The following TRO variants were observed in gnomAD, a reference collection of about 807,000 sequenced individuals.
TRO encodes the protein MAGE superfamily protein.
In TRO, 29 loss-of-function variants were observed where a neutral mutation model predicts 42.3. The observed-to-expected ratio is 0.68, with a 90% confidence interval of 0.51 to 0.93. The LOEUF is 0.93. TRO is among the 40% of genes least tolerant of loss of function. The pLI, the probability that TRO is intolerant of heterozygous loss-of-function variation, is 0.00. For missense variants in TRO, 963 were observed against 1,127.7 expected, an observed-to-expected ratio of 0.85 and a Z score of 2.09; for synonymous variants, 384 against 425.2, an observed-to-expected ratio of 0.90 and a Z score of 1.19.
chrX:54,929,482 G>A lies in TRO; in HGVS notation c.2758G>A (p.Gly920Ser), dbSNP rs773122347. The A allele has an allele frequency of 6.6e-6, 8 of 1,209,332 alleles. No homozygotes were observed. The highest frequency in any genetic ancestry group is 2.3e-4 in the Middle Eastern group (1 of 4,340). ...GGTLSTSICF[G>S]GSPCTSTGFG... is the part of the protein sequence containing the mutation. ...TACACTCAGTACCAGTATCTGCTTC[G>A]GTGGCTCTCCCTGCACCAGCACTGG... The change falls in exon 12 of 13, where the codon GGT becomes AGT. Residue 920 changes from glycine (G) to serine (S), a missense_variant. Gly to Ser is a moderately conservative substitution (Grantham distance 56, BLOSUM62 0). This residue lies in a region of TRO where 641 missense variants were observed against 811.3 expected (regional missense o/e 0.79). Coordinates refer to ENST00000173898, the MANE Select transcript of TRO (RefSeq NM_001039705.3).
chrX:54,922,415 C>A, intron 2 of TRO, 124 bp downstream of exon 2: 1 of 957,940 alleles, frequency 1.0e-6, no homozygotes, highest in Non-Finnish European at 1.4e-6. Context: ...TCCTCCCTTA[C>A]ATGGTGAAGG....
At position 54,929,961 on chromosome X, in the gene TRO, C is replaced by T; in HGVS notation, c.3237C>T (p.Phe1079=). 1 of 1,209,382 alleles carries T rather than the reference C, an allele frequency of 8.3e-7. No individual in the cohort carries two copies. The highest frequency in any genetic ancestry group is 1.1e-6 in the Non-Finnish European group (1 of 894,402). The change falls in exon 12 of 13, where the codon TTC becomes TTT. Residue 1079 remains phenylalanine (F), a synonymous_variant. Coordinates refer to ENST00000173898, the MANE Select transcript of TRO (RefSeq NM_001039705.3). ...GTGCCGTCAGCACCAGTGCCAGCTT[C>T]AGTGGTGCTGTCAGCACCAGTGCTT... ...FGCAVSTSAS[F]SGAVSTSACF...
intron 1 of TRO, chrX:54,921,364 G>A (rs995874694): frequency 1.3e-4 from 14 of 111,347 alleles, no homozygotes; most frequent in African/African-American, 3.6e-4. Flanking sequence ...ACAGGAGAAA[G>A]GAGGGGATAT....
intron 2 of TRO, 37 bp downstream of exon 2, chrX:54,922,328 C>T (rs2146535368): frequency 8.4e-7 from 1 of 1,189,225 alleles, no homozygotes; most frequent in Non-Finnish European, 1.1e-6. Context: ...GCCATCTGCC[C>T]CATCCTGAGT....
chrX:54,920,930 G>A (rs984974233), intron 1 of TRO, 52 bp downstream of exon 1: 3 of 111,164 alleles, frequency 2.7e-5, no homozygotes, highest in Admixed American at 1.9e-4. Flanking sequence ...CTTCCTGGCT[G>A]CGGCTTCGAC....
intron 1 of TRO, chrX:54,921,340 A>G (rs1022993864): frequency 1.8e-5 from 2 of 111,287 alleles, no homozygotes; most frequent in African/African-American, 6.5e-5. Flanking sequence ...AGCAACGGAA[A>G]GGACCAGACT....
chrX:54,923,378 C>T lies in TRO; in HGVS notation c.846C>T (p.Asp282=), dbSNP rs763078461. The T allele has an allele frequency of 3.6e-5, 43 of 1,203,952 alleles. No homozygotes were observed. The highest frequency in any genetic ancestry group is 1.2e-4 in the African/African-American group (7 of 57,146). ...ATATAGAGGCTCTAAATGTCACTGA[C>T]GCAGCTACCAGGCAGATTGAGGCCT... ...TEHIEALNVT[D]AATRQIEASV... The change falls in exon 3 of 13, where the codon GAC becomes GAT. Residue 282 remains aspartate, a synonymous_variant. Coordinates refer to ENST00000173898, the MANE Select transcript of TRO (RefSeq NM_001039705.3).
chrX:54,927,501 G>A, intron 10 of TRO, 166 bp from the exon 11 acceptor site: 1 of 453,964 alleles, frequency 2.2e-6, no homozygotes, highest in South Asian at 3.3e-5. Flanking sequence ...AGTATTGGAG[G>A]CCAAGACCAT....
At chrX:54,926,382 CCTT>C (rs1569546270) in intron 7 of TRO, 25 bp from the exon 8 acceptor site, 1 of 1,190,899 alleles carries the variant, frequency 8.4e-7, no homozygotes. Flanking sequence ...GAAACATAAA[CCTT>C]CTTTCTGTCC....
chrX:54,927,144 T>A (rs899437467), intron 10 of TRO, 39 bp downstream of exon 10: 2 of 1,194,392 alleles, frequency 1.7e-6, no homozygotes, highest in Non-Finnish European at 1.1e-6. Flanking sequence ...CCTGAAGTGT[T>A]CTGGGTATAC....
In TRO at chrX:54,922,625, T is replaced by C; in HGVS notation, c.93T>C (p.Asp31=). 8.3e-7 allele frequency: 1 copy of C among 1,211,385 alleles called. No individual in the cohort carries two copies. The highest frequency in any genetic ancestry group is 3.0e-5 in the East Asian group (1 of 33,808). The change falls in exon 3 of 13, where the codon GAT becomes GAC. Residue 31 remains aspartate (D), a synonymous_variant. Transcript: ENST00000173898. The stretch of plus-strand genomic sequence containing the variant: ...GCCTGGGGCTTCCCTTCCCTCCAGA[T>C]ATACAGACTGAGACCACAGAAGAGG... The part of the protein sequence containing the change: ...PGSLGLPFPP[D]IQTETTEEDS...
rs764095896 is a variant in TRO, at chrX:54,929,902, G to T, written c.3178G>T (p.Gly1060Cys). Residue 1060 changes from glycine (G) to cysteine (C), a missense_variant, in exon 12 of 13, where the codon GGT (glycine) becomes TGT (cysteine). This residue lies in a region of TRO where 641 missense variants were observed against 811.3 expected (regional missense o/e 0.79). Coordinates refer to ENST00000173898, the MANE Select transcript of TRO (RefSeq NM_001039705.3). The stretch of plus-strand genomic sequence containing the variant: ...CTCTCCCAGCACCAGTGCTGGCTTT[G>T]GTGGTGCACTCAACACCAATGCCAG... Reference protein sequence around the residue: ...GGSPSTSAGFGGALNTNASFG... With the variant: ...GGSPSTSAGFCGALNTNASFG... 2 of 1,211,045 alleles carry T rather than the reference G, an allele frequency of 1.7e-6. No homozygotes were observed. Among genetic ancestry groups the T allele is most frequent in the Admixed American group, 2.2e-5 (1 of 46,087 alleles).
chrX:54,927,895 CAT>C (rs1602146980), intron 11 of TRO, 114 bp downstream of exon 11: 1 of 502,548 alleles, frequency 2.0e-6, no homozygotes, highest in African/African-American at 2.4e-5. Flanking sequence ...CATATATAAA[CAT>C]GTGGAGCCTC....
In TRO at chrX:54,926,603, C is replaced by T. The variant is rs768861041; in HGVS notation, c.1678C>T (p.Arg560Cys). Reference sequence around the variant, plus strand: ...CACAGCTGTCATCTGGGAGGTGCTGCGCAAGTTGGGGCTGCGCCCTGGGTA... The same window carrying T: ...CACAGCTGTCATCTGGGAGGTGCTGTGCAAGTTGGGGCTGCGCCCTGGGTA... ...ASEAVIWEVL[R>C]KLGLRPGVRH... The change falls in exon 9 of 13, where the codon CGC (arginine) becomes TGC (cysteine). Residue 560 changes from arginine (R) to cysteine (C), a missense_variant. Physicochemically the swap from Arg to Cys is radical, Grantham distance 180. Around this residue, in one of 2 missense-constraint regions of TRO, gnomAD observed 641 missense variants for 811.3 expected, o/e 0.79. Transcript: ENST00000173898. 35 of 1,210,201 alleles carry T rather than the reference C, an allele frequency of 2.9e-5. No individual in the cohort carries two copies. In the South Asian group the frequency reaches 3.5e-4, roughly 12 times the overall value.
At chrX:54,922,161 A>G in intron 1 of TRO, 42 bp from the exon 2 acceptor site, 1 of 1,030,615 alleles carries the variant, frequency 9.7e-7, no homozygotes, top group South Asian at 2.2e-5. Context: ...GATAGGTGAG[A>G]TGTCTGATGA....
At chrX:54,924,841 C>T in intron 5 of TRO, 108 bp downstream of exon 5, 1 of 976,645 alleles carries the variant, frequency 1.0e-6, no homozygotes, top group Non-Finnish European at 1.4e-6. Flanking sequence ...TATCTCCACA[C>T]CTGCCCTCCT....
chrX:54,930,591 TG>T lies in TRO; in HGVS notation c.3869del (p.Gly1290ValfsTer42). 1 of 1,211,381 alleles carries T rather than the reference TG, an allele frequency of 8.3e-7. No homozygotes were observed. Among genetic ancestry groups the T allele is most frequent in the Admixed American group, 2.2e-5 (1 of 46,057 alleles). On this transcript the variant is annotated frameshift_variant, in exon 12 of 13. Transcript: ENST00000173898. LOFTEE classifies it low-confidence loss of function (END_TRUNC). Reference protein sequence around the residue: ...GGGLVTSDGFGGGLGTNASFG... With the variant: ...GGGLVTSDGFXGGLGTNASFG... ...GTGGACTGGTCACTAGTGATGGCTTTGGTGGTGGACTGGGCACCAATGCTAG... is the reference window on the plus strand; with the variant it reads ...GTGGACTGGTCACTAGTGATGGCTTTGTGGTGGACTGGGCACCAATGCTAG...
chrX:54,924,553 A>G lies in TRO; in HGVS notation c.1339A>G (p.Arg447Gly). The G allele has an allele frequency of 8.3e-7, 1 of 1,207,312 alleles. No individual in the cohort carries two copies. The highest frequency in any genetic ancestry group is 1.1e-6 in the Non-Finnish European group (1 of 893,103). Reference protein sequence around the residue: ...PPRDVAILQERANKLVKYLLV... With the variant: ...PPRDVAILQEGANKLVKYLLV... The stretch of plus-strand genomic sequence containing the variant: ...GCGAGATGTGGCCATTTTACAAGAA[A>G]GGGTAAGAATCCAATGCTGTCCAGT... The change falls in exon 4 of 13, where the codon AGG becomes GGG. Residue 447 changes from arginine to glycine, a missense_variant and splice_region_variant. Physicochemically the swap from Arg to Gly is moderately radical, Grantham distance 125. This residue lies in a region of TRO where 641 missense variants were observed against 811.3 expected (regional missense o/e 0.79). Transcript: ENST00000173898.
In TRO at chrX:54,925,582, T is replaced by C; in HGVS notation, c.1486-10T>C. Reference sequence around the variant, plus strand: ...TTTGTGATCTCACAGGCTATTCTTTTACTTGGCAGATGTTTCGAGTCAATC... The same window carrying C: ...TTTGTGATCTCACAGGCTATTCTTTCACTTGGCAGATGTTTCGAGTCAATC... On this transcript the variant is annotated splice_polypyrimidine_tract_variant and intron_variant, in intron 6 of 12. Coordinates refer to ENST00000173898, the MANE Select transcript of TRO (RefSeq NM_001039705.3). The C allele has an allele frequency of 8.3e-7, 1 of 1,204,351 alleles. No homozygotes were observed. The highest frequency in any genetic ancestry group is 1.8e-5 in the South Asian group (1 of 55,917).
Sources: allele counts gnomAD v4.1 joint callset, GRCh38; gene constraint gnomAD v4.1.1; regional missense constraint gnomAD v4.1.1; transcripts MANE v1.5; gene names NCBI Gene and HGNC (gene_info 2026-07-23, HGNC 2026-07-21).